PCSK2: variants seen among roughly 807,000 people sequenced by gnomAD.
PCSK2 encodes proprotein convertase subtilisin/kexin type 2.
Under a neutral mutation model 69.7 loss-of-function variants are expected in PCSK2, and 14 were observed. That is an observed-to-expected ratio of 0.20 (90% CI 0.13 to 0.31). The LOEUF is 0.31. Ranked by LOEUF, PCSK2 falls within the 10% of genes least tolerant of loss-of-function variation. The pLI is 1.00. For synonymous variants in PCSK2, 307 were observed against 320.7 expected (o/e 0.96, Z 0.46); for missense variants, 544 against 842.5 (o/e 0.65, Z 4.39).
intron 4 of PCSK2, among the ~76,000 whole-genome samples, chr20:17,365,168 G>C (rs2030547909): frequency 6.6e-6 from 1 of 152,106 alleles, no homozygotes; most frequent in Admixed American, 6.5e-5. Context: ...TCTGATAAAG[G>C]CTTGCTCTCT....
rs1988130123 is a variant in PCSK2 at position 17,277,519 on chromosome 20, T to C, written c.282+17175T>C. 2.0e-5 allele frequency among the ~76,000 whole-genome samples: 3 copies of C among 152,288 alleles called. No individual in the cohort carries two copies. The South Asian group carries it at 6.2e-4, about 32-fold the overall frequency. ...GCTGGGAAAACTGGCTAGCCATATG[T>C]AGAAACCTGAAACTGGATCCCCTCC... is the stretch of plus-strand genomic sequence containing the variant. On this transcript the variant is annotated intron_variant, in intron 2 of 11. Coordinates refer to ENST00000262545, the MANE Select transcript of PCSK2 (RefSeq NM_002594.5).
intron 11 of PCSK2, among the ~76,000 whole-genome samples, chr20:17,467,753 G>T (rs768120864): frequency 6.6e-6 from 1 of 151,894 alleles, no homozygotes; most frequent in Non-Finnish European, 1.5e-5. Context: ...TTTTTCCTCC[G>T]CAGGCTGCTG....
intron 2 of PCSK2, among the ~76,000 whole-genome samples, chr20:17,276,933 C>T (rs920284180): frequency 1.3e-5 from 2 of 152,116 alleles, no homozygotes; most frequent in Non-Finnish European, 2.9e-5. Context: ...AACAGACAAA[C>T]AGAGAGCCAA....
At chr20:17,245,986 T>C in intron 1 of PCSK2, among the ~76,000 whole-genome samples, 1 of 152,154 alleles carries the variant, frequency 6.6e-6, no homozygotes, top group East Asian at 1.9e-4. Flanking sequence ...ACCTTAGTCA[T>C]CCACACTGAA....
chr20:17,466,245 C>T (rs1323198289), intron 11 of PCSK2, among the ~76,000 whole-genome samples: 1 of 152,182 alleles, frequency 6.6e-6, no homozygotes, highest in Non-Finnish European at 1.5e-5. Flanking sequence ...ACTTCTAACT[C>T]CATAGCTTAA....
intron 2 of PCSK2, among the ~76,000 whole-genome samples, chr20:17,319,917 T>A (rs1434069801): frequency 6.6e-6 from 1 of 152,164 alleles, no homozygotes; most frequent in African/African-American, 2.4e-5. Context: ...ATTATGAAGG[T>A]ATTGGCAAGC....
chr20:17,339,838 A>G (rs1271932886), intron 2 of PCSK2, among the ~76,000 whole-genome samples: 3 of 152,164 alleles, frequency 2.0e-5, no homozygotes, highest in East Asian at 3.9e-4. Context: ...GTGGCCTCCT[A>G]ACTATGCATA....
chr20:17,430,921 A>G (rs2032350573), intron 7 of PCSK2, among the ~76,000 whole-genome samples: 1 of 152,188 alleles, frequency 6.6e-6, no homozygotes, highest in South Asian at 2.1e-4. Flanking sequence ...AGCTTTCTGG[A>G]GGTTCCTGGG....
Position 17,227,304 on chromosome 20 carries a change from G to T in PCSK2, c.-2G>T, listed in dbSNP as rs759258279. The stretch of plus-strand genomic sequence containing the variant: ...AGCACCACTTTTCACTCCCAAAGAA[G>T]GATGAAGGGTGGTTGTGTCTCCCAG... On this transcript the variant is annotated 5_prime_UTR_variant, in exon 1 of 12. In the 5' UTR this introduces an upstream ATG that the reference lacks. Transcript: ENST00000262545. 1.4e-5 allele frequency: 22 copies of T among 1,613,392 alleles called. No homozygotes were observed. The East Asian group carries it at 4.5e-4, about 33-fold the overall frequency.
chr20:17,226,942 C>G (rs1290777787), upstream of PCSK2: 1 of 153,332 alleles, frequency 6.5e-6, no homozygotes, highest in African/African-American at 2.4e-5. Context: ...CTGGCGGACT[C>G]ACGTCACCCG....
intron 2 of PCSK2, among the ~76,000 whole-genome samples, chr20:17,295,213 AAC>A (rs58508384): frequency 0.28 from 40,368 of 145,708 alleles, 5,376 homozygotes; most frequent in South Asian, 0.44. Flanking sequence ...ATACGCAGTT[AAC>A]ACACACACAC....
At chr20:17,359,934 AG>A (rs2030333181) in intron 3 of PCSK2, among the ~76,000 whole-genome samples, 1 of 152,128 alleles carries the variant, frequency 6.6e-6, no homozygotes, top group African/African-American at 2.4e-5. Flanking sequence ...GGCCAGGATG[AG>A]GGGCCTTAGG....
intron 2 of PCSK2, among the ~76,000 whole-genome samples, chr20:17,289,591 A>G (rs1314890901): frequency 6.6e-6 from 1 of 152,238 alleles, no homozygotes. Flanking sequence ...ATTAGTCTGT[A>G]TCTATCAATA....
At chr20:17,315,325 G>A (rs1350373749) in intron 2 of PCSK2, among the ~76,000 whole-genome samples, 1 of 152,054 alleles carries the variant, frequency 6.6e-6, no homozygotes, top group Non-Finnish European at 1.5e-5. Flanking sequence ...AAAAAAAAAG[G>A]AATTAGATTT....
chr20:17,297,272 T>A (rs958094295), intron 2 of PCSK2, among the ~76,000 whole-genome samples: 1 of 152,070 alleles, frequency 6.6e-6, no homozygotes, highest in African/African-American at 2.4e-5. Flanking sequence ...TCCTGTTGGG[T>A]CTTGTAAACC....
intron 5 of PCSK2, among the ~76,000 whole-genome samples, chr20:17,396,353 T>C (rs886780721): frequency 1.3e-5 from 2 of 152,308 alleles, no homozygotes; most frequent in Non-Finnish European, 2.9e-5. Flanking sequence ...TAACTGCAGC[T>C]GTGGTAAGCC....
At position 17,464,989 on chromosome 20, in the gene PCSK2, C is replaced by T. The variant is rs2033075528; in HGVS notation, c.1203-337C>T. The T allele has an allele frequency of 3.9e-5, 13 of 330,738 alleles. No homozygotes were observed. The South Asian group carries it at 4.2e-4, about 11-fold the overall frequency. The allele number at this position is 330,738 out of a possible 1,614,324, so 20.5% of individuals were successfully genotyped here. On this transcript the variant is annotated intron_variant, in intron 10 of 11. Coordinates refer to ENST00000262545, the MANE Select transcript of PCSK2 (RefSeq NM_002594.5). ...CAGTTTAGTTGGAATTACTTGCACGCTCATCCACAAAGTACATGTGTTCCA... is the reference window on the plus strand; with the variant it reads ...CAGTTTAGTTGGAATTACTTGCACGTTCATCCACAAAGTACATGTGTTCCA...
chr20:17,338,208 T>C (rs1384066281), intron 2 of PCSK2, among the ~76,000 whole-genome samples: 1 of 151,442 alleles, frequency 6.6e-6, no homozygotes, highest in Admixed American at 6.6e-5. Context: ...TTGTTTTTTG[T>C]TTTTTTGAGA....
At chr20:17,295,749 T>C (rs1240290548) in intron 2 of PCSK2, among the ~76,000 whole-genome samples, 1 of 151,540 alleles carries the variant, frequency 6.6e-6, no homozygotes, top group Non-Finnish European at 1.5e-5. Context: ...GAGACGGGGG[T>C]CTTACTATGT....
Sources: gnomAD v4.1 joint callset for allele counts (sites outside exome capture counted in the v4.1 genomes callset) on GRCh38, gnomAD v4.1.1 for gene constraint, MANE v1.5 for transcripts, NCBI Gene and HGNC (gene_info 2026-07-23, HGNC 2026-07-21) for gene names.